Variants in TEX14 observed in about 807,000 individuals in gnomAD.
TEX14 encodes inactive serine/threonine-protein kinase TEX14.
TEX14 carries 168 observed loss-of-function variants against 178.6 expected under a neutral mutation model. The observed-to-expected ratio is 0.94, with a 90% CI of 0.83 to 1.07. The LOEUF (loss-of-function observed/expected upper bound fraction) is 1.07. Ranked by LOEUF, TEX14 falls within the 50% of genes least tolerant of loss-of-function variation. The probability of loss-of-function intolerance (pLI) is 0.00; values close to 1 mark genes in which losing one functional copy is unlikely to be tolerated. For missense variants in TEX14, 1,730 were observed against 1,753.6 expected (o/e 0.99, Z 0.24); for synonymous variants, 626 against 634.1 (o/e 0.99, Z 0.19).
chr17:58,561,406 G>C (rs1598338487), intron 29 of TEX14, 114 bp downstream of exon 29: 1 of 748,298 alleles, frequency 1.3e-6, no homozygotes, highest in East Asian at 2.5e-5. Flanking sequence ...AGTCAGGGCT[G>C]GCTTATCTAA....
At chr17:58,587,837 G>A in intron 16 of TEX14, 59 bp downstream of exon 16, 2 of 1,386,298 alleles carry the variant, frequency 1.4e-6, no homozygotes, top group Middle Eastern at 1.8e-4. Context: ...AGCAGAGGGT[G>A]CCAGAACCCA....
intron 10 of TEX14, among the ~76,000 whole-genome samples, chr17:58,608,201 A>C (rs2045657121): frequency 6.6e-6 from 1 of 152,160 alleles, no homozygotes; most frequent in Non-Finnish European, 1.5e-5. Context: ...GTGGATCACA[A>C]GGTCAGGAGT....
At chr17:58,659,864 T>G (rs562403562) in intron 1 of TEX14, among the ~76,000 whole-genome samples, 1 of 151,808 alleles carries the variant, frequency 6.6e-6, no homozygotes, top group African/African-American at 2.4e-5. Context: ...ACCTGGCTAA[T>G]TTTTGTAGTT....
At position 58,570,405 on chromosome 17, in the gene TEX14, T is replaced by A. The variant is rs145098807; in HGVS notation, c.3797A>T (p.Gln1266Leu). The stretch of plus-strand genomic sequence containing the variant: ...GGTACCTTTAGGCAGGCTCCTTCTC[T>A]GGGTGGCATGGGGTGGTGATGAGTC... ...ACDSSPPHAT[Q>L]RRSLPKVEAF... is the part of the protein sequence containing the mutation. Residue 1266 changes from glutamine (Q) to leucine (L), a missense_variant, in exon 25 of 32, where the codon CAG (glutamine) becomes CTG (leucine). Physicochemically the swap from Gln to Leu is moderately radical, Grantham distance 113 (BLOSUM62 -2). This residue lies in a region of TEX14 where 941 missense variants were observed against 1,072.4 expected (regional missense o/e 0.88). Coordinates refer to ENST00000349033, the MANE Select transcript of TEX14 (RefSeq NM_031272.5). 2.6e-6 allele frequency: 4 copies of A among 1,517,548 alleles called. No individual in the cohort carries two copies. The African/African-American group carries it at 5.9e-5, about 22-fold the overall frequency. 94.0% of individuals were successfully genotyped at this position (1,517,548 alleles called of 1,614,324 possible). A position where few individuals can be genotyped will look rare whatever the true frequency, so the allele number is the denominator to read the frequency against.
chr17:58,588,125 A>G (rs2045027583), intron 15 of TEX14, 104 bp from the exon 16 acceptor site: 1 of 640,668 alleles, frequency 1.6e-6, no homozygotes, highest in South Asian at 1.8e-5. Context: ...TTTCAGAGGT[A>G]GAAGAAACCC....
chr17:58,639,471 C>A (rs905695706), intron 2 of TEX14, among the ~76,000 whole-genome samples: 5 of 151,796 alleles, frequency 3.3e-5, no homozygotes, highest in Non-Finnish European at 7.4e-5. Flanking sequence ...GAGGCCAAGG[C>A]GGGAGGATCA....
intron 5 of TEX14, among the ~76,000 whole-genome samples, chr17:58,618,226 G>C (rs1318590756): frequency 6.6e-6 from 1 of 152,210 alleles, no homozygotes; most frequent in Non-Finnish European, 1.5e-5. Context: ...GCTAAGTTTG[G>C]GGGGTGATTC....
In TEX14 at chr17:58,599,502, G is replaced by A. The variant is rs1447448717; in HGVS notation, c.1843C>T (p.Pro615Ser). The change falls in exon 14 of 32, where the codon CCA (proline) becomes TCA (serine). Residue 615 changes from proline (P) to serine (S), a missense_variant. Transcript: ENST00000349033. ...TTGATTTCGAAACTGCAGAGGCTTG[G>A]CTGACCTGTGCTGGGGCTGCTGGCC... is the stretch of plus-strand genomic sequence containing the variant. Reference protein sequence around the residue: ...EEASSPSTGQPSLCSFEINEI... With the variant: ...EEASSPSTGQSSLCSFEINEI... The A allele has an allele frequency of 6.2e-6, 10 of 1,613,638 alleles. No homozygotes were observed. The highest frequency in any genetic ancestry group is 8.5e-6 in the Non-Finnish European group (10 of 1,179,946).
intron 2 of TEX14, among the ~76,000 whole-genome samples, chr17:58,649,816 CG>C: frequency 6.6e-6 from 1 of 150,400 alleles, no homozygotes; most frequent in East Asian, 2.0e-4. Flanking sequence ...CTCAGCTCAC[CG>C]CAACCTCCAC....
At chr17:58,594,902 G>A (rs929375027) in intron 14 of TEX14, among the ~76,000 whole-genome samples, 3 of 152,088 alleles carry the variant, frequency 2.0e-5, no homozygotes, top group Non-Finnish European at 4.4e-5. Flanking sequence ...CTAGCCTACA[G>A]CAAATTAAGG....
intron 3 of TEX14, among the ~76,000 whole-genome samples, chr17:58,624,335 T>G (rs1426488436): frequency 3.5e-5 from 5 of 142,160 alleles, no homozygotes; most frequent in Non-Finnish European, 6.4e-5. Context: ...TCTTTTCTTT[T>G]CTTTTCTTTT....
chr17:58,584,055 T>C lies in TEX14; in HGVS notation c.3171+445A>G, dbSNP rs188362609. ...GCATATAGATCCTGCTGAGGTGCAG[T>C]TGTCAGGCACAAACACATCACTTCC... On this transcript the variant is annotated intron_variant, in intron 19 of 31. Coordinates refer to ENST00000349033, the MANE Select transcript of TEX14 (RefSeq NM_031272.5). Among the ~76,000 whole-genome samples the C allele has an allele frequency of 7.9e-5, 12 of 152,292 alleles. No homozygotes were observed. The East Asian group carries it at 2.1e-3, about 27-fold the overall frequency.
At position 58,572,055 on chromosome 17, in the gene TEX14, ACT is replaced by A. The variant is rs2044544617; in HGVS notation, c.3581_3582del (p.Glu1194ValfsTer16). ...LESITFQVKT[E>X]FASCWNSQEF... is the part of the protein sequence containing the mutation. ...TCTTGACTGTTCCAGCAAGAGGCAAACTCTGTCTTAACCTGAAATGTGATACT... is the reference window on the plus strand; with the variant it reads ...TCTTGACTGTTCCAGCAAGAGGCAAACTGTCTTAACCTGAAATGTGATACT... On this transcript the variant is annotated frameshift_variant, in exon 24 of 32. Transcript: ENST00000349033. LOFTEE classifies it high-confidence loss of function. 6 of 1,613,910 alleles carry A rather than the reference ACT, an allele frequency of 3.7e-6. No homozygotes were observed. The highest frequency in any genetic ancestry group is 5.1e-6 in the Non-Finnish European group (6 of 1,179,958).
At chr17:58,619,577 G>A (rs1333463549) in intron 5 of TEX14, among the ~76,000 whole-genome samples, 1 of 152,170 alleles carries the variant, frequency 6.6e-6, no homozygotes, top group Non-Finnish European at 1.5e-5. Flanking sequence ...GGAGGCAGAG[G>A]CAGGCGGATC....
At chr17:58,652,105 A>T in intron 1 of TEX14, 103 bp from the exon 2 acceptor site, 1 of 814,542 alleles carries the variant, frequency 1.2e-6, no homozygotes, top group Non-Finnish European at 1.8e-6. Context: ...ACCTTCATTA[A>T]TAATGAAGAT....
chr17:58,576,252 G>A (rs1174792184), intron 21 of TEX14, among the ~76,000 whole-genome samples: 3 of 152,310 alleles, frequency 2.0e-5, no homozygotes, highest in South Asian at 2.1e-4. Context: ...TTGGGAGGCC[G>A]AGGCAGGTGG....
At chr17:58,608,503 C>T (rs571099114) in intron 10 of TEX14, among the ~76,000 whole-genome samples, 6 of 149,988 alleles carry the variant, frequency 4.0e-5, no homozygotes, top group East Asian at 2.0e-4. Context: ...GATCGCTTGA[C>T]GCTGGGAGGT....
In TEX14 at chr17:58,634,576, C is replaced by T. The variant is rs73327395; in HGVS notation, c.137-4022G>A. Among the ~76,000 whole-genome samples the T allele has an allele frequency of 9.2e-3, 1,404 of 152,282 alleles. 25 individuals carry two copies. Among genetic ancestry groups the T allele is most frequent in the African/African-American group, 0.031 (1,299 of 41,568 alleles). On this transcript the variant is annotated intron_variant, in intron 2 of 31. Transcript: ENST00000349033. ...TCTCTCCTACACTAGAAGGTAGGAACTGCCCAATGTATCTCCCCTATCTTC... is the reference window on the plus strand; with the variant it reads ...TCTCTCCTACACTAGAAGGTAGGAATTGCCCAATGTATCTCCCCTATCTTC...
At position 58,616,171 on chromosome 17, in the gene TEX14, T is replaced by C. The variant is rs778865643; in HGVS notation, c.767+4A>G. On this transcript the variant is annotated splice_donor_region_variant and intron_variant, in intron 7 of 31. Transcript: ENST00000349033. ...AGACCTCAAACTGGCCAGCCCCCAC[T>C]TACTTGGTCATGACCATGTAGGGGC... The C allele has an allele frequency of 4.3e-6, 7 of 1,610,262 alleles. No individual in the cohort carries two copies. Among genetic ancestry groups the C allele is most frequent in the Non-Finnish European group, 5.1e-6 (6 of 1,178,748 alleles).
Sources: allele counts gnomAD v4.1 joint callset (sites outside exome capture counted in the v4.1 genomes callset), GRCh38; gene constraint gnomAD v4.1.1; regional missense constraint gnomAD v4.1.1; transcripts MANE v1.5; gene names NCBI Gene and HGNC (gene_info 2026-07-23, HGNC 2026-07-21).